The following ALK variants were observed in gnomAD, a reference collection of about 807,000 sequenced individuals.
The protein encoded by ALK is ALK tyrosine kinase receptor.
ALK carries 74 observed loss-of-function variants against 163.1 expected under a neutral mutation model. The observed-to-expected ratio is 0.45, with a 90% CI of 0.38 to 0.55. The LOEUF (loss-of-function observed/expected upper bound fraction) is 0.55. Ranked by LOEUF, ALK falls within the 20% of genes least tolerant of loss-of-function variation. ALK has a pLI of 0.00. For synonymous variants in ALK, 960 were observed against 843.2 expected, an observed-to-expected ratio of 1.14 and a Z score of -2.40; for missense variants, 2,063 against 2,105.3, an observed-to-expected ratio of 0.98 and a Z score of 0.39.
At chr2:29,622,152 T>C (rs544445275) in intron 3 of ALK, among the ~76,000 whole-genome samples, 2 of 152,310 alleles carry the variant, frequency 1.3e-5, no homozygotes, top group South Asian at 2.1e-4. Context: ...TCTGATCGTA[T>C]ATCATCAGAA....
chr2:29,340,436 G>A (rs992508972), intron 5 of ALK, among the ~76,000 whole-genome samples: 1 of 152,160 alleles, frequency 6.6e-6, no homozygotes, highest in African/African-American at 2.4e-5. Context: ...CACCTCCAAT[G>A]AAGGGAGCCG....
chr2:29,627,865 G>A (rs549434371), intron 3 of ALK, among the ~76,000 whole-genome samples: 8 of 152,140 alleles, frequency 5.3e-5, no homozygotes, highest in Non-Finnish European at 1.0e-4. Context: ...AAAGTTTAGC[G>A]TGCTCCATTC....
chr2:29,756,241 AT>A (rs1166023752), intron 1 of ALK, among the ~76,000 whole-genome samples: 3 of 152,144 alleles, frequency 2.0e-5, no homozygotes, highest in Non-Finnish European at 4.4e-5. Flanking sequence ...TCAAAAGTCC[AT>A]TTCCCGGGAG....
chr2:29,583,202 A>G (rs913076454), intron 3 of ALK, among the ~76,000 whole-genome samples: 1 of 152,022 alleles, frequency 6.6e-6, no homozygotes, highest in Admixed American at 6.6e-5. Context: ...CTTAATCCAG[A>G]GAAACTGTTC....
At chr2:29,210,533 A>C (rs1297906089) in intron 24 of ALK, among the ~76,000 whole-genome samples, 2 of 152,076 alleles carry the variant, frequency 1.3e-5, no homozygotes, top group African/African-American at 2.4e-5. Context: ...CCCGGGTTCA[A>C]GCAATTCTCC....
intron 2 of ALK, among the ~76,000 whole-genome samples, chr2:29,706,586 C>A (rs1385645504): frequency 1.3e-5 from 2 of 152,320 alleles, no homozygotes; most frequent in African/African-American, 4.8e-5. Context: ...AGAAGAAGGG[C>A]CAAGTCTCCT....
chr2:29,710,070 G>A (rs866906468), intron 2 of ALK, among the ~76,000 whole-genome samples: 7 of 152,112 alleles, frequency 4.6e-5, no homozygotes, highest in Middle Eastern at 6.3e-3. Flanking sequence ...CAGGTCTTCC[G>A]CATGTTGTTC....
intron 1 of ALK, among the ~76,000 whole-genome samples, chr2:29,846,637 G>A (rs886242114): frequency 6.6e-6 from 1 of 152,132 alleles, no homozygotes; most frequent in Non-Finnish European, 1.5e-5. Context: ...CCTCCCCCGG[G>A]CATTGAAAGA....
At chr2:29,636,341 GAAAAGAAAAGAAAAGAAAAGA>G (rs1196116122) in intron 3 of ALK, among the ~76,000 whole-genome samples, 3 of 4,116 alleles carry the variant, frequency 7.3e-4, no homozygotes, top group South Asian at 0.028. Flanking sequence ...AAGAAAGAAA[GAAAAGAAAAGAAAAGAAAAGA>G]AAAGAAAAGA....
At chr2:29,501,933 A>G (rs1344485228) in intron 4 of ALK, among the ~76,000 whole-genome samples, 5 of 152,206 alleles carry the variant, frequency 3.3e-5, no homozygotes, top group African/African-American at 1.2e-4. Flanking sequence ...ATTGTATAGT[A>G]TTTGTCTTTA....
At chr2:29,223,603 G>T in intron 19 of ALK, 75 bp from the exon 20 acceptor site, 2 of 1,486,320 alleles carry the variant, frequency 1.3e-6, no homozygotes, top group Non-Finnish European at 9.2e-7. Context: ...ACTTCCTACA[G>T]GAAGCCTCCC....
chr2:29,517,816 G>A (rs186697746), intron 4 of ALK, among the ~76,000 whole-genome samples: 1 of 152,288 alleles, frequency 6.6e-6, no homozygotes, highest in Non-Finnish European at 1.5e-5. Flanking sequence ...TACCTCCAAA[G>A]ACTTCTGGCC....
At chr2:29,487,727 C>T (rs1165348756) in intron 4 of ALK, among the ~76,000 whole-genome samples, 1 of 152,154 alleles carries the variant, frequency 6.6e-6, no homozygotes, top group African/African-American at 2.4e-5. Context: ...ATGTATCAGT[C>T]ACCTTACTAA....
chr2:29,301,063 G>C (rs1328832790), intron 8 of ALK, among the ~76,000 whole-genome samples: 1 of 152,202 alleles, frequency 6.6e-6, no homozygotes, highest in African/African-American at 2.4e-5. Flanking sequence ...GACCAGAGAA[G>C]TAGTCTGTCA....
At chr2:29,663,163 G>T (rs1433569827) in intron 3 of ALK, among the ~76,000 whole-genome samples, 1 of 152,062 alleles carries the variant, frequency 6.6e-6, no homozygotes, top group South Asian at 2.1e-4. Flanking sequence ...TAAACCACGG[G>T]CCTAATTTCC....
rs150515580 is a variant in ALK, at chr2:29,566,500, T to C, written c.953-34384A>G. 4.2e-3 allele frequency among the ~76,000 whole-genome samples: 637 copies of C among 152,182 alleles called. 4 individuals carry two copies. The highest frequency in any genetic ancestry group is 0.014 in the African/African-American group (595 of 41,522). On this transcript the variant is annotated intron_variant, in intron 3 of 28. Transcript: ENST00000389048. ...TTGTTAAGAAGTGAACTCTAGACAG[T>C]CAAAGGAACCAAGGCAAGAATGTGG... is the stretch of plus-strand genomic sequence containing the variant.
At chr2:29,703,659 T>C (rs767503083) in intron 2 of ALK, among the ~76,000 whole-genome samples, 2 of 152,212 alleles carry the variant, frequency 1.3e-5, no homozygotes, top group East Asian at 1.9e-4. Flanking sequence ...AGTATTCCAA[T>C]TGTCAATCTG....
intron 2 of ALK, among the ~76,000 whole-genome samples, chr2:29,697,310 G>A (rs1160838297): frequency 6.6e-6 from 1 of 152,158 alleles, no homozygotes; most frequent in Non-Finnish European, 1.5e-5. Context: ...TTTTCTCTTG[G>A]GGAGTGTTTG....
At chr2:29,364,438 A>AC (rs1001252102) in intron 5 of ALK, among the ~76,000 whole-genome samples, 1 of 152,108 alleles carries the variant, frequency 6.6e-6, no homozygotes, top group Non-Finnish European at 1.5e-5. Context: ...AGGCCAGAAG[A>AC]CCCTGGCACA....
Sources: allele counts gnomAD v4.1 joint callset (sites outside exome capture counted in the v4.1 genomes callset), GRCh38; gene constraint gnomAD v4.1.1; transcripts MANE v1.5; gene names NCBI Gene and HGNC (gene_info 2026-07-23, HGNC 2026-07-21).